DIAPH3: variants seen among roughly 807,000 people sequenced by gnomAD.
The protein encoded by DIAPH3 is protein diaphanous homolog 3.
In DIAPH3, 117 loss-of-function variants were observed where a neutral mutation model predicts 144.3. That is an observed-to-expected ratio of 0.81 (90% CI 0.70 to 0.95). The LOEUF is 0.95. DIAPH3 is among the 40% of genes least tolerant of loss of function. DIAPH3 has a pLI of 0.00. For missense variants in DIAPH3, 1,421 were observed against 1,412.7 expected (o/e 1.01, Z -0.09); for synonymous variants, 519 against 488.9 (o/e 1.06, Z -0.81).
intron 20 of DIAPH3, among the ~76,000 whole-genome samples, chr13:59,892,588 T>C (rs1186021277): frequency 1.3e-5 from 2 of 151,930 alleles, no homozygotes; most frequent in African/African-American, 4.8e-5. Context: ...GACTTAAAAT[T>C]TCTTTCAAAA....
intron 27 of DIAPH3, among the ~76,000 whole-genome samples, chr13:59,706,795 T>C (rs529481111): frequency 6.6e-6 from 1 of 152,232 alleles, no homozygotes; most frequent in Non-Finnish European, 1.5e-5. Context: ...TCTCCTTTTT[T>C]TCTCTCCTGT....
intron 4 of DIAPH3, among the ~76,000 whole-genome samples, chr13:60,080,514 C>T (rs1450655471): frequency 6.6e-6 from 1 of 151,800 alleles, no homozygotes; most frequent in Non-Finnish European, 1.5e-5. Context: ...TTTTACATTT[C>T]AGCTAAAATA....
At chr13:59,794,779 G>A (rs1195409224) in intron 25 of DIAPH3, among the ~76,000 whole-genome samples, 1 of 152,142 alleles carries the variant, frequency 6.6e-6, no homozygotes, top group Non-Finnish European at 1.5e-5. Flanking sequence ...AAAGTGCTGG[G>A]ATTACAGGAA....
chr13:59,846,748 G>C (rs1193146413), intron 22 of DIAPH3, among the ~76,000 whole-genome samples: 1 of 152,046 alleles, frequency 6.6e-6, no homozygotes, highest in African/African-American at 2.4e-5. Context: ...AAAATAAATT[G>C]TAGCTTAGTT....
At position 60,013,940 on chromosome 13, in the gene DIAPH3, T is replaced by C. The variant is rs2053453012; in HGVS notation, c.771+1973A>G. 2.0e-5 allele frequency among the ~76,000 whole-genome samples: 3 copies of C among 152,056 alleles called. 1 individual carries two copies. The highest frequency in any genetic ancestry group is 4.4e-5 in the Non-Finnish European group (3 of 67,970). ...AACTTTTTATTCTTAATAACACAGA[T>C]AAAAGCACCAAATAAAATGGCAATA... On this transcript the variant is annotated intron_variant, in intron 7 of 27. Coordinates refer to ENST00000400324, the MANE Select transcript of DIAPH3 (RefSeq NM_001042517.2).
At chr13:59,974,225 A>C (rs1487547666) in intron 15 of DIAPH3, 127 bp downstream of exon 15, 3 of 771,296 alleles carry the variant, frequency 3.9e-6, no homozygotes, top group Admixed American at 4.6e-5. Context: ...AACACAGTAC[A>C]AATAATGCTA....
intron 17 of DIAPH3, among the ~76,000 whole-genome samples, chr13:59,952,774 A>G (rs774016311): frequency 3.3e-5 from 5 of 152,160 alleles, no homozygotes; most frequent in Admixed American, 6.5e-5. Flanking sequence ...CCATTTGCTT[A>G]AAATGAAAAA....
Position 59,823,018 on chromosome 13 carries a change from A to G in DIAPH3, c.3027+10089T>C, listed in dbSNP as rs559180001. Among the ~76,000 whole-genome samples, 7 of 152,252 alleles carry G rather than the reference A, an allele frequency of 4.6e-5. No homozygotes were observed. In the East Asian group the frequency reaches 5.8e-4, roughly 13 times the overall value. ...TTTCTTTTCCCTATATTATCAATCT[A>G]TTTTTATTCTCACTACCGTATTAGA... On this transcript the variant is annotated intron_variant, in intron 24 of 27. Coordinates refer to ENST00000400324, the MANE Select transcript of DIAPH3 (RefSeq NM_001042517.2).
intron 17 of DIAPH3, among the ~76,000 whole-genome samples, chr13:59,941,759 T>G (rs1409501404): frequency 6.6e-6 from 1 of 151,982 alleles, no homozygotes; most frequent in Non-Finnish European, 1.5e-5. Context: ...TCATTGGATA[T>G]AAAATCCCCT....
intron 4 of DIAPH3, among the ~76,000 whole-genome samples, chr13:60,048,023 C>G (rs1273219401): frequency 6.6e-6 from 1 of 152,206 alleles, no homozygotes; most frequent in Non-Finnish European, 1.5e-5. Flanking sequence ...GTCCCTAACC[C>G]ACCCAGTCGC....
intron 23 of DIAPH3, 48 bp from the exon 24 acceptor site, chr13:59,833,319 G>C: frequency 8.2e-6 from 12 of 1,466,152 alleles, no homozygotes; most frequent in Non-Finnish European, 1.1e-5. Flanking sequence ...AATGCTTTGG[G>C]GGCAGGGGGA....
chr13:60,149,286 C>A (rs911936269), intron 1 of DIAPH3, among the ~76,000 whole-genome samples: 1 of 152,052 alleles, frequency 6.6e-6, no homozygotes, highest in Non-Finnish European at 1.5e-5. Context: ...GAAGAATGGT[C>A]GCAGATATAG....
At chr13:59,748,828 T>A (rs1168312960) in intron 27 of DIAPH3, among the ~76,000 whole-genome samples, 1 of 152,184 alleles carries the variant, frequency 6.6e-6, no homozygotes, top group Non-Finnish European at 1.5e-5. Flanking sequence ...TTGGTGGTAA[T>A]CTGACAGCAT....
intron 20 of DIAPH3, among the ~76,000 whole-genome samples, chr13:59,907,811 A>C (rs1231998849): frequency 6.6e-6 from 1 of 152,252 alleles, no homozygotes; most frequent in Non-Finnish European, 1.5e-5. Context: ...TGTCTACTAC[A>C]TATACATTTA....
chr13:59,983,498 T>C (rs1411144370), intron 13 of DIAPH3, among the ~76,000 whole-genome samples: 1 of 151,600 alleles, frequency 6.6e-6, no homozygotes, highest in African/African-American at 2.4e-5. Context: ...TTATTGACAG[T>C]AAAGATGATA....
At chr13:59,774,305 G>C (rs2038279333) in intron 26 of DIAPH3, 57 bp from the exon 27 acceptor site, 2 of 1,436,926 alleles carry the variant, frequency 1.4e-6, no homozygotes, top group Admixed American at 1.8e-5. Context: ...TCTCAAGAAG[G>C]AAAACAGTAT....
At chr13:60,125,391 CTAATTT>C (rs1449070791) in intron 2 of DIAPH3, among the ~76,000 whole-genome samples, 2 of 110,266 alleles carry the variant, frequency 1.8e-5, no homozygotes, top group African/African-American at 7.0e-5. Context: ...TCACACCCAG[CTAATTT>C]TTTTTTTTTT....
At chr13:60,152,345 C>G (rs1951826803) in intron 1 of DIAPH3, among the ~76,000 whole-genome samples, 1 of 152,008 alleles carries the variant, frequency 6.6e-6, no homozygotes, top group South Asian at 2.1e-4. Context: ...CCTCAGCACA[C>G]AGAATGACCT....
chr13:59,958,696 G>T (rs1173933074), intron 17 of DIAPH3, among the ~76,000 whole-genome samples: 2 of 151,672 alleles, frequency 1.3e-5, no homozygotes, highest in African/African-American at 4.8e-5. Context: ...TATGATACTT[G>T]ATGCACATTA....
Sources: allele counts gnomAD v4.1 joint callset (sites outside exome capture counted in the v4.1 genomes callset), GRCh38; gene constraint gnomAD v4.1.1; transcripts MANE v1.5; gene names NCBI Gene and HGNC (gene_info 2026-07-23, HGNC 2026-07-21).